The following ERAP2 variants were observed in gnomAD, a reference collection of about 807,000 sequenced individuals.
ERAP2 encodes endoplasmic reticulum aminopeptidase 2.
ERAP2 carries 118 observed loss-of-function variants against 111.1 expected under a neutral mutation model. That is an observed-to-expected ratio of 1.06 (90% CI 0.92 to 1.24). The LOEUF (loss-of-function observed/expected upper bound fraction) is 1.24, where lower values mean the gene tolerates loss of function less well. Among genes scored for constraint, ERAP2 ranks in the 50% most tolerant of loss-of-function variants. ERAP2 has a pLI of 0.00. For missense variants in ERAP2, 1,131 were observed against 1,125.8 expected, an observed-to-expected ratio of 1.00 and a Z score of -0.07; for synonymous variants, 410 against 401.2, an observed-to-expected ratio of 1.02 and a Z score of -0.26.
At chr5:96,882,179 A>G (rs1581789998) in intron 2 of ERAP2, among the ~76,000 whole-genome samples, 1 of 152,202 alleles carries the variant, frequency 6.6e-6, no homozygotes, top group East Asian at 1.9e-4. Flanking sequence ...ACAGTATTGG[A>G]TAGGAAAAGT....
Position 96,883,776 on chromosome 5 carries a change from G to T in ERAP2, c.576-16G>T, listed in dbSNP as rs768729926. On this transcript the variant is annotated splice_polypyrimidine_tract_variant and intron_variant, in intron 2 of 18. Coordinates refer to ENST00000437043, the MANE Select transcript of ERAP2 (RefSeq NM_022350.5). ...TTTCACTTGTGCATTTTGGCTGGGG[G>T]TGGGTCTTTTCACAGAATTCTTGCA... 8 of 1,606,426 alleles carry T rather than the reference G, an allele frequency of 5.0e-6. No homozygotes were observed. Among genetic ancestry groups the T allele is most frequent in the South Asian group, 4.5e-5 (4 of 89,398 alleles).
chr5:96,883,967 C>A, intron 3 of ERAP2, 37 bp downstream of exon 3: 1 of 1,537,550 alleles, frequency 6.5e-7, no homozygotes, highest in South Asian at 1.2e-5. Context: ...AAATTGTTCT[C>A]AAGTTGAGAC....
At chr5:96,909,433 AAAAAGAT>A in intron 14 of ERAP2, 140 bp from the exon 15 acceptor site, 1 of 692,462 alleles carries the variant, frequency 1.4e-6, no homozygotes, top group Non-Finnish European at 2.4e-6. Context: ...TAACAGCCAG[AAAAAGAT>A]AAGAGAAATA....
At chr5:96,916,217 T>C (rs902487575) in intron 18 of ERAP2, among the ~76,000 whole-genome samples, 14 of 143,660 alleles carry the variant, frequency 9.7e-5, no homozygotes, top group Non-Finnish European at 2.1e-4. Flanking sequence ...TGAGACTCCA[T>C]CTCAAAAAAA....
At chr5:96,880,309 C>A (rs750786882) in intron 2 of ERAP2, 49 bp downstream of exon 2, 4 of 1,482,222 alleles carry the variant, frequency 2.7e-6, no homozygotes, top group Non-Finnish European at 3.7e-6. Flanking sequence ...AATTTCCTTA[C>A]GAGTTACATC....
At position 96,883,859 on chromosome 5, in the gene ERAP2, T is replaced by C. The variant is rs1783423395; in HGVS notation, c.643T>C (p.Leu215=). The C allele has an allele frequency of 3.1e-6, 5 of 1,613,888 alleles. No homozygotes were observed. The highest frequency in any genetic ancestry group is 3.4e-6 in the Non-Finnish European group (4 of 1,179,882). The stretch of plus-strand genomic sequence containing the variant: ...GGCTTTCCCTTGCTTTGATGAACCG[T>C]TGTTCAAAGCCAACTTTTCAATCAA... The part of the protein sequence containing the change: ...RMAFPCFDEP[L]FKANFSIKIR... Residue 215 remains leucine (L), a synonymous_variant, in exon 3 of 19, where the codon TTG becomes CTG. Coordinates refer to ENST00000437043, the MANE Select transcript of ERAP2 (RefSeq NM_022350.5).
intron 2 of ERAP2, among the ~76,000 whole-genome samples, chr5:96,881,768 G>A (rs1447542636): frequency 6.6e-6 from 1 of 152,086 alleles, no homozygotes. Flanking sequence ...AGGAAGAAGG[G>A]GGACACGGGG....
chr5:96,877,433 C>T (rs1249353420), intron 1 of ERAP2, among the ~76,000 whole-genome samples: 2 of 152,164 alleles, frequency 1.3e-5, no homozygotes, highest in Non-Finnish European at 2.9e-5. Flanking sequence ...CGAGCTACTC[C>T]TTCATTTTGG....
intron 18 of ERAP2, 157 bp downstream of exon 18, chr5:96,915,926 T>G: frequency 3.7e-6 from 2 of 540,586 alleles, no homozygotes; most frequent in Non-Finnish European, 6.3e-6. Flanking sequence ...GGGACAGGAT[T>G]AAAACCTGAC....
intron 1 of ERAP2, among the ~76,000 whole-genome samples, chr5:96,877,223 C>T (rs1402639943): frequency 6.6e-6 from 1 of 152,196 alleles, no homozygotes; most frequent in Non-Finnish European, 1.5e-5. Flanking sequence ...GATCTGCCCA[C>T]CTTGGCCTCC....
At chr5:96,887,595 C>T (rs892720728) in intron 4 of ERAP2, among the ~76,000 whole-genome samples, 4 of 152,024 alleles carry the variant, frequency 2.6e-5, no homozygotes, top group Non-Finnish European at 4.4e-5. Flanking sequence ...CCACCGTGCC[C>T]GACAGTTTCC....
intron 10 of ERAP2, 177 bp downstream of exon 10, chr5:96,900,366 A>G: frequency 1.1e-6 from 1 of 943,584 alleles, no homozygotes; most frequent in Non-Finnish European, 1.5e-6. Context: ...TAGGGGGACA[A>G]TGCTGTTGCT....
Position 96,913,343 on chromosome 5 carries a change from A to ATTCT in ERAP2, c.2543_2544insTTCT (p.Lys848AsnfsTer42). On this transcript the variant is annotated frameshift_variant, in exon 17 of 19. Transcript: ENST00000437043. LOFTEE classifies it high-confidence loss of function. Reference sequence around the variant, plus strand: ...TTAATTGAACTAGGAATGGAAGGAAAGGTTATCAAGACACAGAACTTGGCA... The same window carrying ATTCT: ...TTAATTGAACTAGGAATGGAAGGAAATTCTGGTTATCAAGACACAGAACTTGGCA... The ATTCT allele has an allele frequency of 6.2e-7, 1 of 1,614,074 alleles. No individual in the cohort carries two copies. Among genetic ancestry groups the ATTCT allele is most frequent in the Middle Eastern group, 1.6e-4 (1 of 6,062 alleles).
chr5:96,881,261 G>A, intron 2 of ERAP2: 1 of 376,410 alleles, frequency 2.7e-6, no homozygotes, highest in Non-Finnish European at 5.3e-6. Context: ...TAATCAATTG[G>A]GAGGTCATTG....
intron 10 of ERAP2, among the ~76,000 whole-genome samples, chr5:96,900,898 C>G (rs887104253): frequency 6.6e-6 from 1 of 152,130 alleles, no homozygotes; most frequent in Admixed American, 6.5e-5. Context: ...AGACTGACCT[C>G]AGGCAATTCG....
At chr5:96,877,532 A>G (rs1782672314) in intron 1 of ERAP2, among the ~76,000 whole-genome samples, 1 of 152,234 alleles carries the variant, frequency 6.6e-6, no homozygotes, top group Admixed American at 6.5e-5. Context: ...TGCTGTGCCA[A>G]CTTCTTCACA....
At chr5:96,903,170 T>A (rs1785667833) in intron 12 of ERAP2, among the ~76,000 whole-genome samples, 1 of 152,238 alleles carries the variant, frequency 6.6e-6, no homozygotes. Flanking sequence ...GTCTTATTCC[T>A]ATGAATTAAC....
chr5:96,910,840 C>G (rs190442010), intron 15 of ERAP2, among the ~76,000 whole-genome samples: 2 of 152,238 alleles, frequency 1.3e-5, no homozygotes, highest in Admixed American at 1.3e-4. Context: ...TGAAATGTAA[C>G]TAGTTGCACA....
intron 3 of ERAP2, 116 bp downstream of exon 3, chr5:96,884,046 CTA>C: frequency 2.8e-6 from 1 of 355,928 alleles, no homozygotes; most frequent in African/African-American, 2.6e-5. Flanking sequence ...ATCTATCTAT[CTA>C]TCTATCTATC....
Sources: gnomAD v4.1 joint callset for allele counts (sites outside exome capture counted in the v4.1 genomes callset) on GRCh38, gnomAD v4.1.1 for gene constraint, MANE v1.5 for transcripts, NCBI Gene and HGNC (gene_info 2026-07-23, HGNC 2026-07-21) for gene names.